Variants in ALK observed in about 807,000 individuals in gnomAD.
ALK encodes ALK tyrosine kinase receptor.
In ALK, 74 loss-of-function variants were observed where a neutral mutation model predicts 163.1. That is an observed-to-expected ratio of 0.45 (90% CI 0.38 to 0.55). ALK has a LOEUF of 0.55. Ranked by LOEUF, ALK falls within the 20% of genes least tolerant of loss-of-function variation. The pLI, the probability that ALK is intolerant of heterozygous loss-of-function variation, is 0.00. For missense variants in ALK, 2,063 were observed against 2,105.3 expected (o/e 0.98, Z 0.39); for synonymous variants, 960 against 843.2 (o/e 1.14, Z -2.40).
At chr2:29,493,704 G>C (rs75441450) in intron 4 of ALK, among the ~76,000 whole-genome samples, 2,085 of 152,326 alleles carry the variant, frequency 0.014, 25 homozygotes, top group African/African-American at 0.031. Flanking sequence ...AAGTGATGAG[G>C]CCTGTCTAGT....
At chr2:29,234,760 G>A (rs542719458) in intron 13 of ALK, among the ~76,000 whole-genome samples, 6 of 152,328 alleles carry the variant, frequency 3.9e-5, no homozygotes, top group Admixed American at 2.0e-4. Context: ...GTAAATGGCT[G>A]CTGTTCTTAT....
At chr2:29,228,345 CTG>C (rs1177536551) in intron 16 of ALK, among the ~76,000 whole-genome samples, 1 of 152,238 alleles carries the variant, frequency 6.6e-6, no homozygotes, top group African/African-American at 2.4e-5. Context: ...GCTCTGCTGA[CTG>C]TGCTCTGAAG....
chr2:29,866,836 A>C (rs1159836939), intron 1 of ALK, among the ~76,000 whole-genome samples: 5 of 152,224 alleles, frequency 3.3e-5, no homozygotes, highest in Non-Finnish European at 7.3e-5. Flanking sequence ...ATTCTGCATC[A>C]GCCTTGTGGG....
At chr2:29,459,980 C>A (rs1196264152) in intron 4 of ALK, among the ~76,000 whole-genome samples, 1 of 152,150 alleles carries the variant, frequency 6.6e-6, no homozygotes, top group Non-Finnish European at 1.5e-5. Context: ...ATGTGACTCA[C>A]TCCAAATCTC....
chr2:29,605,759 T>C (rs1321983338), intron 3 of ALK, among the ~76,000 whole-genome samples: 1 of 152,194 alleles, frequency 6.6e-6, no homozygotes, highest in East Asian at 1.9e-4. Flanking sequence ...ACCCAGTATA[T>C]GATACTTGGT....
intron 1 of ALK, among the ~76,000 whole-genome samples, chr2:29,896,827 C>G (rs887369317): frequency 6.6e-6 from 1 of 152,174 alleles, no homozygotes; most frequent in Admixed American, 6.5e-5. Flanking sequence ...AGATGCTCAG[C>G]TTGGGTTTTT....
intron 6 of ALK, among the ~76,000 whole-genome samples, chr2:29,321,127 A>G (rs1667030627): frequency 1.3e-5 from 2 of 152,238 alleles, no homozygotes; most frequent in African/African-American, 4.8e-5. Context: ...ATAACTCTTC[A>G]GCATGGGTGT....
intron 3 of ALK, among the ~76,000 whole-genome samples, chr2:29,570,477 A>T (rs938553676): frequency 7.2e-5 from 11 of 152,242 alleles, no homozygotes; most frequent in Non-Finnish European, 1.5e-4. Context: ...AGAGGGAAAC[A>T]TTAGAACAGA....
chr2:29,900,981 G>GAA (rs1181713716), intron 1 of ALK, among the ~76,000 whole-genome samples: 5 of 139,876 alleles, frequency 3.6e-5, no homozygotes, highest in African/African-American at 7.9e-5. Context: ...AAGAAAGAAA[G>GAA]AGAGAGAGAG....
At chr2:29,347,388 T>G (rs1667982055) in intron 5 of ALK, among the ~76,000 whole-genome samples, 1 of 152,140 alleles carries the variant, frequency 6.6e-6, no homozygotes, top group South Asian at 2.1e-4. Context: ...CATGAGCACT[T>G]GGAGGAACAC....
chr2:29,642,998 T>A (rs1676748294), intron 3 of ALK, among the ~76,000 whole-genome samples: 1 of 152,108 alleles, frequency 6.6e-6, no homozygotes, highest in Non-Finnish European at 1.5e-5. Flanking sequence ...CAGAGTTTAT[T>A]AGAGATTTAA....
intron 3 of ALK, among the ~76,000 whole-genome samples, chr2:29,672,250 T>C (rs1265196429): frequency 1.7e-4 from 26 of 151,892 alleles, no homozygotes; most frequent in Non-Finnish European, 8.8e-5. Context: ...TATGTATACA[T>C]GTGCCACGCT....
intron 23 of ALK, 70 bp from the exon 24 acceptor site, chr2:29,214,151 G>T (rs2148159778): frequency 1.5e-6 from 2 of 1,325,300 alleles, no homozygotes; most frequent in Non-Finnish European, 2.2e-6. Context: ...TGAAATGCTG[G>T]CTTCCAGTGC....
chr2:29,704,955 T>A (rs1418732725), intron 2 of ALK, among the ~76,000 whole-genome samples: 1 of 151,838 alleles, frequency 6.6e-6, no homozygotes, highest in Non-Finnish European at 1.5e-5. Context: ...ATAATATAAA[T>A]ACCTGTAATC....
At chr2:29,867,895 C>T (rs187509176) in intron 1 of ALK, among the ~76,000 whole-genome samples, 1 of 152,276 alleles carries the variant, frequency 6.6e-6, no homozygotes, top group Admixed American at 6.5e-5. Flanking sequence ...TGACTACAGA[C>T]ACAGTTGGGG....
intron 1 of ALK, among the ~76,000 whole-genome samples, chr2:29,734,757 G>T (rs1679845793): frequency 6.6e-6 from 1 of 151,540 alleles, no homozygotes; most frequent in South Asian, 2.1e-4. Flanking sequence ...TAAAATACTG[G>T]ACTACTACTT....
intron 1 of ALK, among the ~76,000 whole-genome samples, chr2:29,874,880 G>T (rs575108480): frequency 6.6e-6 from 1 of 152,238 alleles, no homozygotes; most frequent in Admixed American, 6.5e-5. Flanking sequence ...TTCCTTATCA[G>T]TCCCTACCTG....
intron 1 of ALK, among the ~76,000 whole-genome samples, chr2:29,831,259 G>GGAAGAAGAAGAAGACGAAGAA (rs1665406120): frequency 3.6e-5 from 1 of 28,132 alleles, no homozygotes; most frequent in Non-Finnish European, 7.0e-5. Flanking sequence ...AAGAGGAAGA[G>GGAAGAAGAAGAAGACGAAGAA]GAAGAAGAAG....
chr2:29,836,232 A>C (rs1295220294), intron 1 of ALK, among the ~76,000 whole-genome samples: 1 of 152,226 alleles, frequency 6.6e-6, no homozygotes, highest in Admixed American at 6.5e-5. Flanking sequence ...AGCAAATTTT[A>C]TCAAAGTTAT....
Sources: allele counts gnomAD v4.1 joint callset (sites outside exome capture counted in the v4.1 genomes callset), GRCh38; gene constraint gnomAD v4.1.1; transcripts MANE v1.5; gene names NCBI Gene and HGNC (gene_info 2026-07-23, HGNC 2026-07-21).